The following PKD1L1 variants were observed in gnomAD, a reference collection of about 807,000 sequenced individuals.
PKD1L1 encodes polycystin 1 like 1, transient receptor potential channel interacting.
PKD1L1 carries 236 observed loss-of-function variants against 323.4 expected under a neutral mutation model. That is an observed-to-expected ratio of 0.73 (90% CI 0.66 to 0.81). PKD1L1 has a LOEUF of 0.81. Ranked by LOEUF, PKD1L1 falls within the 40% of genes least tolerant of loss-of-function variation. The probability of loss-of-function intolerance (pLI) is 0.00; values close to 1 mark genes in which losing one functional copy is unlikely to be tolerated. For missense variants in PKD1L1, 3,320 were observed against 3,508.0 expected (o/e 0.95, Z 1.35); for synonymous variants, 1,344 against 1,335.0 (o/e 1.01, Z -0.15).
At chr7:47,803,417 A>G in intron 52 of PKD1L1, 73 bp from the exon 53 acceptor site, 1 of 1,546,156 alleles carries the variant, frequency 6.5e-7, no homozygotes, top group Non-Finnish European at 8.8e-7. Flanking sequence ...CACAGCTGTC[A>G]GTCATGCATA....
intron 36 of PKD1L1, 116 bp from the exon 37 acceptor site, chr7:47,837,210 T>C: frequency 8.5e-7 from 1 of 1,181,564 alleles, no homozygotes; most frequent in Non-Finnish European, 1.2e-6. Context: ...GGTTCTTCCA[T>C]CCTAGCTGCT....
intron 42 of PKD1L1, 77 bp from the exon 43 acceptor site, chr7:47,830,201 AG>A: frequency 8.0e-7 from 1 of 1,256,768 alleles, no homozygotes; most frequent in South Asian, 1.2e-5. Flanking sequence ...GCCTAAGCAC[AG>A]GGACACTGCC....
At chr7:47,909,436 A>G (rs1234220320) in intron 8 of PKD1L1, among the ~76,000 whole-genome samples, 1 of 152,128 alleles carries the variant, frequency 6.6e-6, no homozygotes, top group South Asian at 2.1e-4. Context: ...CTCAGTTTAC[A>G]ACATCCTTCT....
chr7:47,904,779 T>G (rs934976315), intron 11 of PKD1L1, among the ~76,000 whole-genome samples, 162 bp from the exon 12 acceptor site: 2 of 152,160 alleles, frequency 1.3e-5, no homozygotes, highest in African/African-American at 2.4e-5. Flanking sequence ...TTCATCTTAT[T>G]GAGGAGAAGG....
intron 42 of PKD1L1, among the ~76,000 whole-genome samples, chr7:47,830,429 A>T (rs1785323299): frequency 6.6e-6 from 1 of 152,056 alleles, no homozygotes; most frequent in Non-Finnish European, 1.5e-5. Context: ...TTGGGGTATA[A>T]TAATAATAAT....
chr7:47,858,146 A>T (rs1465095022), intron 27 of PKD1L1, among the ~76,000 whole-genome samples: 1 of 152,250 alleles, frequency 6.6e-6, no homozygotes, highest in Non-Finnish European at 1.5e-5. Flanking sequence ...AATTGGTAGA[A>T]GAGGAACGCC....
At chr7:47,900,182 A>G (rs1251977767) in intron 13 of PKD1L1, among the ~76,000 whole-genome samples, 1 of 152,150 alleles carries the variant, frequency 6.6e-6, no homozygotes, top group Non-Finnish European at 1.5e-5. Flanking sequence ...GTTACAGCAA[A>G]TTTTAATACT....
the PKD1L1 span, among the ~76,000 whole-genome samples, chr7:47,959,675 C>T: frequency 7.4e-6 from 1 of 134,594 alleles, no homozygotes; most frequent in African/African-American, 2.6e-5. Context: ...GCCAGGCCAG[C>T]CGCCCCGTCC....
intron 2 of PKD1L1, among the ~76,000 whole-genome samples, chr7:47,942,345 A>G (rs1290156946): frequency 6.6e-6 from 1 of 152,156 alleles, no homozygotes; most frequent in Non-Finnish European, 1.5e-5. Flanking sequence ...GCATTTAGGT[A>G]ACAATTCCAC....
the PKD1L1 span, among the ~76,000 whole-genome samples, chr7:47,956,148 G>C: frequency 6.9e-6 from 1 of 144,182 alleles, no homozygotes; most frequent in African/African-American, 2.5e-5. Context: ...CTGGACCACA[G>C]AGCCAAGAAA....
At chr7:47,869,378 T>A (rs1317423928) in intron 24 of PKD1L1, among the ~76,000 whole-genome samples, 1 of 152,166 alleles carries the variant, frequency 6.6e-6, no homozygotes, top group Non-Finnish European at 1.5e-5. Context: ...GAGACTACTT[T>A]AGGTTCAAGG....
At chr7:47,902,258 T>C (rs912273798) in intron 13 of PKD1L1, 121 bp downstream of exon 13, 16 of 1,365,692 alleles carry the variant, frequency 1.2e-5, no homozygotes, top group Non-Finnish European at 1.5e-5. Context: ...TAAATTGCAG[T>C]AGGATAAACT....
intron 24 of PKD1L1, among the ~76,000 whole-genome samples, chr7:47,867,516 A>C (rs1786193134): frequency 6.6e-6 from 1 of 152,212 alleles, no homozygotes; most frequent in Non-Finnish European, 1.5e-5. Flanking sequence ...TATTATCTAA[A>C]ATGTCCAGTT....
intron 56 of PKD1L1, among the ~76,000 whole-genome samples, chr7:47,790,842 T>C (rs1786927726): frequency 6.6e-6 from 1 of 151,906 alleles, no homozygotes; most frequent in African/African-American, 2.4e-5. Context: ...CTGCAGCTTC[T>C]ACCTCCTGGA....
At position 47,887,187 on chromosome 7, in the gene PKD1L1, C is replaced by T. The variant is rs79375476; in HGVS notation, c.2836+803G>A. On this transcript the variant is annotated intron_variant, in intron 17 of 56. Coordinates refer to ENST00000289672, the MANE Select transcript of PKD1L1 (RefSeq NM_138295.5). ...CCTCTATGTCTTCATGTATCTGTGG[C>T]CGCTGAGGCCAGCTGTACCCAAAGC... Among the ~76,000 whole-genome samples, 192 of 152,310 alleles carry T rather than the reference C, an allele frequency of 1.3e-3. 4 individuals are homozygous for T. The East Asian group carries it at 0.031, about 24-fold the overall frequency.
In PKD1L1 at chr7:47,800,648, C is replaced by G. The variant is rs1312430455; in HGVS notation, c.8193+1G>C. ...TGAAAGTTGGGGATGTGTTTACTTA[C>G]CATTCCAAAACACAGTGTGGCAGAG... On this transcript the variant is annotated splice_donor_variant, in intron 54 of 56. Transcript: ENST00000289672. LOFTEE classifies it high-confidence loss of function. 2.5e-6 allele frequency: 4 copies of G among 1,612,970 alleles called. No individual in the cohort carries two copies. In the South Asian group the frequency reaches 4.4e-5, roughly 18 times the overall value.
chr7:47,931,382 ATG>A (rs1787769350), intron 5 of PKD1L1, 61 bp from the exon 6 acceptor site: 2 of 1,556,378 alleles, frequency 1.3e-6, no homozygotes, highest in Admixed American at 1.7e-5. Flanking sequence ...TCAGTAGCTG[ATG>A]TCCGCCATGC....
At chr7:47,945,342 G>C (rs1479423939) in intron 1 of PKD1L1, among the ~76,000 whole-genome samples, 1 of 152,092 alleles carries the variant, frequency 6.6e-6, no homozygotes, top group African/African-American at 2.4e-5. Context: ...GATAAAACTG[G>C]ATAGTTTCAC....
intron 26 of PKD1L1, among the ~76,000 whole-genome samples, chr7:47,862,319 G>T (rs555742036): frequency 4.6e-5 from 7 of 152,166 alleles, no homozygotes; most frequent in African/African-American, 1.4e-4. Flanking sequence ...AGAGGTGAAT[G>T]ATGATGCCCT....
Sources: allele counts gnomAD v4.1 joint callset (sites outside exome capture counted in the v4.1 genomes callset), GRCh38; gene constraint gnomAD v4.1.1; transcripts MANE v1.5; gene names NCBI Gene and HGNC (gene_info 2026-07-23, HGNC 2026-07-21).